The following ZACN variants were observed in gnomAD, a reference collection of about 807,000 sequenced individuals.
ZACN encodes ligand-gated cation channel ZACN.
In ZACN, 52 loss-of-function variants were observed where a neutral mutation model predicts 38.9. The ratio of observed to expected loss-of-function variants is 1.34; its 90% confidence interval spans 1.07 to 1.68. The LOEUF is 1.68. Ranked by LOEUF, ZACN falls within the 40% of genes most tolerant of loss-of-function variation. The pLI is 0.00. For synonymous variants in ZACN, 235 were observed against 227.4 expected (o/e 1.03, Z -0.30); for missense variants, 559 against 525.6 (o/e 1.06, Z -0.62).
In ZACN at chr17:76,082,675, C is replaced by A; in HGVS notation, c.*22C>A. On this transcript the variant is annotated 3_prime_UTR_variant, in exon 9 of 9. Transcript: ENST00000334586. ...GTAAAGGGGCAGGGCCTGGGCTGCA[C>A]ACCTTAGGATGAAGTTTGCTTTCCC... 1 of 1,584,088 alleles carries A rather than the reference C, an allele frequency of 6.3e-7. No homozygotes were observed. Among genetic ancestry groups the A allele is most frequent in the Non-Finnish European group, 8.6e-7 (1 of 1,165,596 alleles).
At position 76,079,534 on chromosome 17, in the gene ZACN, C is replaced by A; in HGVS notation, c.193C>A (p.Arg65=). The A allele has an allele frequency of 6.2e-7, 1 of 1,614,166 alleles. No individual in the cohort carries two copies. The highest frequency in any genetic ancestry group is 8.5e-7 in the Non-Finnish European group (1 of 1,180,030). The change falls in exon 2 of 9, where the codon CGG becomes AGG. Residue 65 remains arginine, a synonymous_variant. Transcript: ENST00000334586. Reference sequence around the variant, plus strand: ...GAGTGCGCCCCTGCTCGTGGATGTGCGGGTGTTTGTCTCCAACGTGTTTAA... The same window carrying A: ...GAGTGCGCCCCTGCTCGTGGATGTGAGGGTGTTTGTCTCCAACGTGTTTAA... The part of the protein sequence containing the change: ...NGSAPLLVDV[R]VFVSNVFNVD...
Position 76,080,020 on chromosome 17 carries a change from G to C in ZACN, c.374+26G>C, listed in dbSNP as rs1242876557. 5 of 1,550,466 alleles carry C rather than the reference G, an allele frequency of 3.2e-6. No individual in the cohort carries two copies. The East Asian group carries it at 7.3e-5, about 23-fold the overall frequency. On this transcript the variant is annotated intron_variant, in intron 4 of 8. Transcript: ENST00000334586. ...GTAAGTGAGACAGTTCCTGCCCCAG[G>C]AATCTGCCATGCATAGCCCTCCTTT...
At position 76,081,879 on chromosome 17, in the gene ZACN, C is replaced by G; in HGVS notation, c.881-3C>G. ...GCATCTCCCTGTGCCCTGCCTCCCCCAGTTTACTACTTCACCATCCTGCTG... is the reference window on the plus strand; with the variant it reads ...GCATCTCCCTGTGCCCTGCCTCCCCGAGTTTACTACTTCACCATCCTGCTG... On this transcript the variant is annotated splice_polypyrimidine_tract_variant and splice_region_variant and intron_variant, in intron 7 of 8. Coordinates refer to ENST00000334586, the MANE Select transcript of ZACN (RefSeq NM_180990.4). The G allele has an allele frequency of 6.2e-7, 1 of 1,608,516 alleles. No homozygotes were observed. The highest frequency in any genetic ancestry group is 8.5e-7 in the Non-Finnish European group (1 of 1,176,268).
rs533015634 is a variant in ZACN at position 76,080,446 on chromosome 17, C to T, written c.544+22C>T. 17 of 1,611,902 alleles carry T rather than the reference C, an allele frequency of 1.1e-5. No individual in the cohort carries two copies. In the Admixed American group the frequency reaches 2.2e-4, roughly 21 times the overall value. The stretch of plus-strand genomic sequence containing the variant: ...ACGGGTGCTGACAGGGCAGGGGCTG[C>T]AGGGTTGAGGAGGGGAGGAGGAAGG... On this transcript the variant is annotated intron_variant, in intron 5 of 8. Transcript: ENST00000334586.
rs138230965 is a variant in ZACN, at chr17:76,079,277, T to C, written c.13T>C (p.Trp5Arg). Residue 5 changes from tryptophan to arginine, a missense_variant, in exon 1 of 9, where the codon TGG becomes CGG. Trp to Arg is a moderately radical substitution (Grantham distance 101). Coordinates refer to ENST00000334586, the MANE Select transcript of ZACN (RefSeq NM_180990.4). Reference protein sequence around the residue: MMALWSLLHLTFLGF... With the variant: MMALRSLLHLTFLGF... ...CTCCGTGCAGCCGATGATGGCCCTA[T>C]GGTCCCTGCTCCATCTCACCTTCCT... 6.9e-5 allele frequency: 111 copies of C among 1,613,310 alleles called. No homozygotes were observed. The highest frequency in any genetic ancestry group is 9.2e-5 in the Non-Finnish European group (109 of 1,179,504).
chr17:76,082,126 T>C, intron 8 of ZACN, 77 bp downstream of exon 8: 1 of 1,493,924 alleles, frequency 6.7e-7, no homozygotes, highest in South Asian at 1.3e-5. Flanking sequence ...GAGGTCCAGG[T>C]GTGGGTAGAG....
chr17:76,082,167 G>GTCCCTGGTC, intron 8 of ZACN, 118 bp downstream of exon 8: 1 of 1,258,288 alleles, frequency 7.9e-7, no homozygotes, highest in Non-Finnish European at 1.1e-6. Context: ...TGGCTCTCCT[G>GTCCCTGGTC]TCCCTGGTCT....
Position 76,081,922 on chromosome 17 carries a change from C to A in ZACN, c.921C>A (p.Ser307Arg). The A allele has an allele frequency of 6.2e-7, 1 of 1,613,236 alleles. No homozygotes were observed. The highest frequency in any genetic ancestry group is 8.5e-7 in the Non-Finnish European group (1 of 1,179,770). The change falls in exon 8 of 9, where the codon AGC (serine) becomes AGA (arginine). Residue 307 changes from serine (S) to arginine (R), a missense_variant. Coordinates refer to ENST00000334586, the MANE Select transcript of ZACN (RefSeq NM_180990.4). Reference sequence around the variant, plus strand: ...TCCTGCTGCTGCTGCTCTTCCTCAGCACCATAGAGACTGTGCTGCTGGCTG... The same window carrying A: ...TCCTGCTGCTGCTGCTCTTCCTCAGAACCATAGAGACTGTGCTGCTGGCTG... The part of the protein sequence containing the change: ...FTILLLLLFL[S>R]TIETVLLAGL...
rs779015610 is a variant in ZACN at position 76,079,515 on chromosome 17, G to A, written c.174G>A (p.Ala58=). 15 of 1,614,084 alleles carry A rather than the reference G, an allele frequency of 9.3e-6. No individual in the cohort carries two copies. The highest frequency in any genetic ancestry group is 1.3e-5 in the African/African-American group (1 of 74,920). ...ESIQIPNNGS[A]PLLVDVRVFV... Reference sequence around the variant, plus strand: ...TCCAGATCCCGAACAATGGGAGTGCGCCCCTGCTCGTGGATGTGCGGGTGT... The same window carrying A: ...TCCAGATCCCGAACAATGGGAGTGCACCCCTGCTCGTGGATGTGCGGGTGT... Residue 58 remains alanine (A), a synonymous_variant, in exon 2 of 9, where the codon GCG becomes GCA. Coordinates refer to ENST00000334586, the MANE Select transcript of ZACN (RefSeq NM_180990.4).
rs1242649672 is a variant in ZACN at position 76,080,371 on chromosome 17, T to C, written c.491T>C (p.Phe164Ser). 6.2e-7 allele frequency: 1 copy of C among 1,613,334 alleles called. No homozygotes were observed. Among genetic ancestry groups the C allele is most frequent in the Middle Eastern group, 1.6e-4 (1 of 6,062 alleles). Residue 164 changes from phenylalanine (F) to serine (S), a missense_variant, in exon 5 of 9, where the codon TTC (phenylalanine) becomes TCC (serine). Physicochemically the swap from Phe to Ser is radical, Grantham distance 155. Transcript: ENST00000334586. ...ETNCNFELLH[F>S]PRDHSNCSLS... Reference sequence around the variant, plus strand: ...AACTGCAACTTTGAGCTCCTCCACTTCCCCCGGGACCACAGCAACTGCAGC... The same window carrying C: ...AACTGCAACTTTGAGCTCCTCCACTCCCCCCGGGACCACAGCAACTGCAGC...
At position 76,079,694 on chromosome 17, in the gene ZACN, T is replaced by G. The variant is rs567890838; in HGVS notation, c.223-8T>G. ...TCACCCTGAGGTGATGCATTGCCCTTCCCCCAGGACATCCTGCGATACACA... is the reference window on the plus strand; with the variant it reads ...TCACCCTGAGGTGATGCATTGCCCTGCCCCCAGGACATCCTGCGATACACA... On this transcript the variant is annotated splice_polypyrimidine_tract_variant and splice_region_variant and intron_variant, in intron 2 of 8. Coordinates refer to ENST00000334586, the MANE Select transcript of ZACN (RefSeq NM_180990.4). 2 of 1,613,030 alleles carry G rather than the reference T, an allele frequency of 1.2e-6. No homozygotes were observed. Among genetic ancestry groups the G allele is most frequent in the Admixed American group, 3.3e-5 (2 of 59,956 alleles).
Position 76,082,458 on chromosome 17 carries a change from C to A in ZACN, c.1049-5C>A, listed in dbSNP as rs751669820. 2.5e-6 allele frequency: 4 copies of A among 1,603,166 alleles called. No homozygotes were observed. Among genetic ancestry groups the A allele is most frequent in the South Asian group, 1.1e-5 (1 of 89,672 alleles). On this transcript the variant is annotated splice_region_variant and splice_polypyrimidine_tract_variant and intron_variant, in intron 8 of 8. Coordinates refer to ENST00000334586, the MANE Select transcript of ZACN (RefSeq NM_180990.4). ...CAGCTCCTTTCCCTGTATCTCTCCC[C>A]ACAGAGCCCTCCAGAGGAGTAAAGG...
chr17:76,081,157 G>A, intron 5 of ZACN, 121 bp from the exon 6 acceptor site: 2 of 1,425,948 alleles, frequency 1.4e-6, no homozygotes, highest in Non-Finnish European at 1.9e-6. Context: ...TTGTGTCCAA[G>A]TCTGTCCCTG....
At chr17:76,080,549 G>A in intron 5 of ZACN, 125 bp downstream of exon 5, 6 of 1,363,170 alleles carry the variant, frequency 4.4e-6, no homozygotes, top group South Asian at 1.2e-5. Context: ...CAGACAGAAG[G>A]CGAACTCCCA....
intron 3 of ZACN, 42 bp downstream of exon 3, chr17:76,079,788 C>G (rs2066921115): frequency 1.9e-6 from 3 of 1,608,310 alleles, no homozygotes; most frequent in Non-Finnish European, 2.5e-6. Flanking sequence ...GAAAGCCCAG[C>G]TGAGTCCAGC....
Position 76,082,405 on chromosome 17 carries a change from C to A in ZACN, c.1049-58C>A, listed in dbSNP as rs1037685809. On this transcript the variant is annotated intron_variant, in intron 8 of 8. Coordinates refer to ENST00000334586, the MANE Select transcript of ZACN (RefSeq NM_180990.4). Reference sequence around the variant, plus strand: ...CTGATGACCCCTGGGGTTCGCTCTTCCGCTCATGTTGAGGGGACCTTGAAG... The same window carrying A: ...CTGATGACCCCTGGGGTTCGCTCTTACGCTCATGTTGAGGGGACCTTGAAG... 8.0e-6 allele frequency: 12 copies of A among 1,506,942 alleles called. No homozygotes were observed. In the South Asian group the frequency reaches 1.6e-4, roughly 20 times the overall value. The allele number at this position is 1,506,942 out of a possible 1,614,324, so 93.3% of individuals were successfully genotyped here.
rs767826167 is a variant in ZACN at position 76,081,419 on chromosome 17, G to C, written c.669+17G>C. The C allele has an allele frequency of 9.3e-6, 15 of 1,613,778 alleles. No individual in the cohort carries two copies. Among genetic ancestry groups the C allele is most frequent in the Non-Finnish European group, 1.3e-5 (15 of 1,179,960 alleles). On this transcript the variant is annotated intron_variant, in intron 6 of 8. Coordinates refer to ENST00000334586, the MANE Select transcript of ZACN (RefSeq NM_180990.4). ...CAGGTGACGGTGAGTCAAGTCGGGA[G>C]GAGGCCGACAGAGGGCTGCTGGAGG... is the stretch of plus-strand genomic sequence containing the variant.
Position 76,082,021 on chromosome 17 carries a change from C to A in ZACN, c.1020C>A (p.His340Gln). The change falls in exon 8 of 9, where the codon CAC (histidine) becomes CAA (glutamine). Residue 340 changes from histidine (H) to glutamine (Q), a missense_variant. Transcript: ENST00000334586. ...SPAPRGEQREHGNPGPHPAEE... is the reference protein window; with the variant it reads ...SPAPRGEQREQGNPGPHPAEE... Reference sequence around the variant, plus strand: ...CCCCGAGAGGGGAACAGCGAGAGCACGGCAACCCAGGGCCTCATCCTGCTG... The same window carrying A: ...CCCCGAGAGGGGAACAGCGAGAGCAAGGCAACCCAGGGCCTCATCCTGCTG... The A allele has an allele frequency of 6.2e-7, 1 of 1,610,954 alleles. No individual in the cohort carries two copies. Among genetic ancestry groups the A allele is most frequent in the Non-Finnish European group, 8.5e-7 (1 of 1,179,184 alleles).
chr17:76,082,287 C>A, intron 8 of ZACN, 176 bp from the exon 9 acceptor site: 1 of 788,940 alleles, frequency 1.3e-6, no homozygotes, highest in Non-Finnish European at 2.0e-6. Flanking sequence ...CCTTGCACAG[C>A]CTAAGAGGGT....
Sources: allele counts gnomAD v4.1 joint callset, GRCh38; gene constraint gnomAD v4.1.1; transcripts MANE v1.5; gene names NCBI Gene and HGNC (gene_info 2026-07-23, HGNC 2026-07-21).